Variants in DNAH11 observed in about 807,000 individuals in gnomAD.
DNAH11 encodes the protein axonemal beta dynein heavy chain 11.
A neutral mutation model predicts 526.0 loss-of-function variants in DNAH11; 442 were observed. That is an observed-to-expected ratio of 0.84 (90% CI 0.78 to 0.91). DNAH11 has a LOEUF of 0.91. Ranked by LOEUF, DNAH11 falls within the 40% of genes least tolerant of loss-of-function variation. The probability of loss-of-function intolerance (pLI) is 0.00; values close to 1 mark genes in which losing one functional copy is unlikely to be tolerated. For synonymous variants in DNAH11, 2,461 were observed against 1,935.9 expected, an observed-to-expected ratio of 1.27 and a Z score of -7.12; for missense variants, 6,989 against 5,448.7, an observed-to-expected ratio of 1.28 and a Z score of -8.90.
At chr7:21,898,485 G>C (rs1203738777) in intron 79 of DNAH11, among the ~76,000 whole-genome samples, 4 of 152,194 alleles carry the variant, frequency 2.6e-5, no homozygotes, top group African/African-American at 9.7e-5. Context: ...ATCTGAAGCA[G>C]ACAAGGTCCT....
At chr7:21,872,124 A>G (rs960304020) in intron 73 of DNAH11, among the ~76,000 whole-genome samples, 3 of 85,622 alleles carry the variant, frequency 3.5e-5, no homozygotes, top group Non-Finnish European at 2.2e-5. Flanking sequence ...ACTCTGTCTC[A>G]AAAAAAAAAA....
chr7:21,656,136 C>T (rs1782007171), intron 29 of DNAH11, among the ~76,000 whole-genome samples, 155 bp downstream of exon 29: 1 of 152,154 alleles, frequency 6.6e-6, no homozygotes, highest in East Asian at 1.9e-4. Context: ...TCCACTGTGA[C>T]AGAGGGCTCT....
In DNAH11 at chr7:21,694,397, C is replaced by T. The variant is rs183752085; in HGVS notation, c.6041+3516C>T. On this transcript the variant is annotated intron_variant, in intron 35 of 81. Transcript: ENST00000409508. Reference sequence around the variant, plus strand: ...CTGGTGTGTGATGTTCCCCTCCCTGCGTCCATGTGTTCTCATTGCTCAACT... The same window carrying T: ...CTGGTGTGTGATGTTCCCCTCCCTGTGTCCATGTGTTCTCATTGCTCAACT... 5.7e-3 allele frequency among the ~76,000 whole-genome samples: 872 copies of T among 152,148 alleles called. 9 individuals carry two copies. The highest frequency in any genetic ancestry group is 7.2e-3 in the Non-Finnish European group (489 of 67,972).
chr7:21,635,792 G>A (rs1178387206), intron 25 of DNAH11, 79 bp from the exon 26 acceptor site: 3 of 1,186,080 alleles, frequency 2.5e-6, no homozygotes, highest in Admixed American at 2.3e-5. Flanking sequence ...AATAAACAGA[G>A]TAGATATAGT....
Position 21,591,567 on chromosome 7 carries a change from A to T in DNAH11, c.2657A>T (p.Asn886Ile), listed in dbSNP as rs375268953. The change falls in exon 14 of 82, where the codon AAC becomes ATC. Residue 886 changes from asparagine (N) to isoleucine (I), a missense_variant. Physicochemically the swap from Asn to Ile is moderately radical, Grantham distance 149. Transcript: ENST00000409508. ...LIQGDGCKIH[N>I]LVEENRKLFK... is the part of the protein sequence containing the mutation. ...CAAGGAGATGGCTGCAAGATCCACAACTTGGTCGAGGTAATGGCTTTTAAC... is the reference window on the plus strand; with the variant it reads ...CAAGGAGATGGCTGCAAGATCCACATCTTGGTCGAGGTAATGGCTTTTAAC... 1.9e-6 allele frequency: 3 copies of T among 1,564,946 alleles called. No homozygotes were observed. Among genetic ancestry groups the T allele is most frequent in the African/African-American group, 2.7e-5 (2 of 73,700 alleles).
intron 48 of DNAH11, 130 bp from the exon 49 acceptor site, chr7:21,741,797 T>C: frequency 9.7e-7 from 1 of 1,036,016 alleles, no homozygotes; most frequent in Non-Finnish European, 1.4e-6. Context: ...AACCCCAGAG[T>C]CAGAGTGGAG....
At position 21,635,768 on chromosome 7, in the gene DNAH11, T is replaced by C. The variant is rs527516731; in HGVS notation, c.4501-103T>C. On this transcript the variant is annotated intron_variant, in intron 25 of 81. Transcript: ENST00000409508. ...CCAGTTCCAGATATTACATGCTAGGTCTAAGAATCCAGCAATAAACAGAGT... is the reference window on the plus strand; with the variant it reads ...CCAGTTCCAGATATTACATGCTAGGCCTAAGAATCCAGCAATAAACAGAGT... The C allele has an allele frequency of 1.4e-5, 13 of 935,602 alleles. No individual in the cohort carries two copies. In the South Asian group the frequency reaches 3.1e-4, roughly 22 times the overall value. 58.0% of individuals were successfully genotyped at this position (935,602 alleles called of 1,614,324 possible). A position where few individuals can be genotyped will look rare whatever the true frequency, so the allele number is the denominator to read the frequency against.
At chr7:21,583,032 A>G (rs181156083) in intron 9 of DNAH11, among the ~76,000 whole-genome samples, 7 of 152,334 alleles carry the variant, frequency 4.6e-5, no homozygotes, top group Admixed American at 2.0e-4. Flanking sequence ...TATAGATTCA[A>G]TGCTATCCCC....
intron 45 of DNAH11, among the ~76,000 whole-genome samples, chr7:21,732,430 C>G (rs145071817): frequency 1.3e-5 from 2 of 152,066 alleles, no homozygotes; most frequent in African/African-American, 2.4e-5. Flanking sequence ...TCTGAAATAC[C>G]GGGGTTAGGG....
intron 21 of DNAH11, 31 bp downstream of exon 21, chr7:21,615,303 T>A: frequency 3.7e-6 from 6 of 1,603,858 alleles, no homozygotes; most frequent in Non-Finnish European, 4.3e-6. Context: ...ACATGCTTTT[T>A]ATTTAGTAGT....
intron 28 of DNAH11, among the ~76,000 whole-genome samples, chr7:21,648,619 A>C (rs1484949780): frequency 6.6e-6 from 1 of 152,244 alleles, no homozygotes; most frequent in African/African-American, 2.4e-5. Context: ...TAGCTGAGGC[A>C]ACCCAAAACC....
At chr7:21,686,704 T>C (rs953531359) in intron 32 of DNAH11, among the ~76,000 whole-genome samples, 3 of 152,212 alleles carry the variant, frequency 2.0e-5, no homozygotes, top group Admixed American at 2.0e-4. Flanking sequence ...AATGTTTAAT[T>C]CATTCATCAT....
intron 36 of DNAH11, among the ~76,000 whole-genome samples, chr7:21,701,502 C>T (rs1047183273): frequency 2.0e-5 from 3 of 152,082 alleles, no homozygotes; most frequent in African/African-American, 7.2e-5. Context: ...GTTGCCCAGG[C>T]TGGTCTGGAA....
intron 61 of DNAH11, among the ~76,000 whole-genome samples, chr7:21,798,160 G>A (rs927612383): frequency 3.3e-5 from 5 of 152,194 alleles, no homozygotes; most frequent in African/African-American, 4.8e-5. Flanking sequence ...GCAGTGGCAC[G>A]ATCTCAGCTC....
intron 54 of DNAH11, among the ~76,000 whole-genome samples, chr7:21,753,917 C>A (rs1344960141): frequency 1.3e-5 from 2 of 152,040 alleles, no homozygotes; most frequent in Non-Finnish European, 2.9e-5. Context: ...GGTACAATGT[C>A]TTTTATTGCT....
In DNAH11 at chr7:21,571,944, A is replaced by G. The variant is rs186667584; in HGVS notation, c.1564A>G (p.Thr522Ala). ...ACTCTGTAAACTTTTTAAACAGAGC[A>G]CTTATGACCCATCTGATTGCACTAA... ...MELCKLFKQS[T>A]YDPSDCTNME... Residue 522 changes from threonine (T) to alanine (A), a missense_variant, in exon 8 of 82, where the codon ACT becomes GCT. Transcript: ENST00000409508. 2.5e-6 allele frequency: 4 copies of G among 1,591,850 alleles called. No individual in the cohort carries two copies. The African/African-American group carries it at 4.1e-5, about 16-fold the overall frequency.
chr7:21,785,268 T>A (rs1788124211), intron 58 of DNAH11, among the ~76,000 whole-genome samples: 1 of 152,208 alleles, frequency 6.6e-6, no homozygotes, highest in Non-Finnish European at 1.5e-5. Context: ...ATTCGTTTTG[T>A]AAGTATTTTT....
intron 65 of DNAH11, among the ~76,000 whole-genome samples, chr7:21,820,727 A>C (rs1790016207): frequency 6.6e-6 from 1 of 152,090 alleles, no homozygotes; most frequent in Non-Finnish European, 1.5e-5. Flanking sequence ...ACCCCTCCTA[A>C]ATACACTCAA....
At chr7:21,813,602 G>A (rs898259640) in intron 63 of DNAH11, among the ~76,000 whole-genome samples, 5 of 152,162 alleles carry the variant, frequency 3.3e-5, no homozygotes, top group Admixed American at 1.3e-4. Flanking sequence ...GGCCAGATGG[G>A]CATTTGGTGT....
Sources: allele counts gnomAD v4.1 joint callset (sites outside exome capture counted in the v4.1 genomes callset), GRCh38; gene constraint gnomAD v4.1.1; transcripts MANE v1.5; gene names NCBI Gene and HGNC (gene_info 2026-07-23, HGNC 2026-07-21).